The following SPATA9 variants were observed in gnomAD, a reference collection of about 807,000 sequenced individuals.
SPATA9 encodes the protein spermatogenesis associated 9.
SPATA9 carries 27 observed loss-of-function variants against 25.5 expected under a neutral mutation model. The observed-to-expected ratio is 1.06, with a 90% confidence interval of 0.78 to 1.46. The LOEUF (loss-of-function observed/expected upper bound fraction) is 1.46, where lower values mean the gene tolerates loss of function less well. Ranked by LOEUF, SPATA9 falls within the 40% of genes most tolerant of loss-of-function variation. The pLI is 0.00. For synonymous variants in SPATA9, 102 were observed against 105.7 expected, an observed-to-expected ratio of 0.97 and a Z score of 0.21; for missense variants, 282 against 297.5, an observed-to-expected ratio of 0.95 and a Z score of 0.38.
At chr5:95,675,065 G>A (rs905665148) in intron 3 of SPATA9, among the ~76,000 whole-genome samples, 4 of 152,076 alleles carry the variant, frequency 2.6e-5, no homozygotes, top group Non-Finnish European at 4.4e-5. Context: ...TCAAACAAAG[G>A]TTGCCTTGGA....
At chr5:95,706,779 C>T in the SPATA9 span, among the ~76,000 whole-genome samples, 3 of 152,118 alleles carry the variant, frequency 2.0e-5, no homozygotes, top group South Asian at 2.1e-4. Flanking sequence ...ACTCTGAATA[C>T]ATTATCTAAT....
At chr5:95,715,206 C>T in the SPATA9 span, among the ~76,000 whole-genome samples, 1 of 151,914 alleles carries the variant, frequency 6.6e-6, no homozygotes, top group Non-Finnish European at 1.5e-5. Flanking sequence ...TGCCTGTAGT[C>T]CCAGCTATTC....
At chr5:95,730,232 C>A in the SPATA9 span, among the ~76,000 whole-genome samples, 1 of 152,110 alleles carries the variant, frequency 6.6e-6, no homozygotes, top group East Asian at 1.9e-4. Flanking sequence ...CTCAATACCC[C>A]CTCTTTCATA....
intron 3 of SPATA9, among the ~76,000 whole-genome samples, chr5:95,667,351 G>A (rs1330240716): frequency 6.6e-6 from 1 of 151,872 alleles, no homozygotes; most frequent in Non-Finnish European, 1.5e-5. Flanking sequence ...GGGAAAGGCT[G>A]TTTTCTTTCT....
chr5:95,661,841 C>T (rs1343617365), intron 4 of SPATA9, among the ~76,000 whole-genome samples: 1 of 152,008 alleles, frequency 6.6e-6, no homozygotes, highest in Non-Finnish European at 1.5e-5. Flanking sequence ...CACATACACA[C>T]ACACATGCAC....
chr5:95,667,793 C>T (rs1222089091), intron 3 of SPATA9, among the ~76,000 whole-genome samples: 2 of 152,142 alleles, frequency 1.3e-5, no homozygotes, highest in Non-Finnish European at 2.9e-5. Context: ...ATCCCAAATA[C>T]TGGAGGTGGG....
chr5:95,703,982 C>T, the SPATA9 span, among the ~76,000 whole-genome samples: 1 of 151,902 alleles, frequency 6.6e-6, no homozygotes, highest in African/African-American at 2.4e-5. Context: ...CATTCAAGAC[C>T]CAACAGACAC....
intron 1 of SPATA9, among the ~76,000 whole-genome samples, chr5:95,688,376 C>T (rs551075581): frequency 4.6e-5 from 7 of 152,246 alleles, no homozygotes; most frequent in Non-Finnish European, 1.0e-4. Context: ...CCTTAGCCTC[C>T]TAAGTAGCTA....
At chr5:95,656,189 G>T (rs757351425), downstream of SPATA9, 5 of 1,613,984 alleles carry the variant, frequency 3.1e-6, no homozygotes, top group Non-Finnish European at 8.5e-7. Flanking sequence ...TAAAGCAAAG[G>T]ATTCACACAG....
Position 95,658,361 on chromosome 5 carries a change from C to A in SPATA9, c.*262G>T. 1 of 271,516 alleles carries A rather than the reference C, an allele frequency of 3.7e-6. No individual in the cohort carries two copies. Among genetic ancestry groups the A allele is most frequent in the East Asian group, 6.8e-5 (1 of 14,692 alleles). The allele number at this position is 271,516 out of a possible 1,614,324, so 16.8% of individuals were successfully genotyped here. On this transcript the variant is annotated 3_prime_UTR_variant, in exon 5 of 5. Coordinates refer to ENST00000274432, the MANE Select transcript of SPATA9 (RefSeq NM_031952.4). Reference sequence around the variant, plus strand: ...TTATAAATATGCTTATATTATAAACCACAGTGTAAAGTCTAACCTACCAGA... The same window carrying A: ...TTATAAATATGCTTATATTATAAACAACAGTGTAAAGTCTAACCTACCAGA...
downstream of SPATA9, among the ~76,000 whole-genome samples, chr5:95,653,781 G>A (rs114562006): frequency 0.012 from 1,819 of 152,078 alleles, 22 homozygotes; most frequent in Middle Eastern, 0.051. Flanking sequence ...TCCTGTAATC[G>A]CAGCTACTCG....
upstream of SPATA9, among the ~76,000 whole-genome samples, chr5:95,684,416 T>C (rs1448912135): frequency 1.3e-5 from 2 of 152,198 alleles, no homozygotes; most frequent in East Asian, 3.8e-4. Context: ...CCAATGTCAT[T>C]GCCCAACTGG....
At chr5:95,731,157 C>G in the SPATA9 span, 5 of 1,017,688 alleles carry the variant, frequency 4.9e-6, no homozygotes, top group Non-Finnish European at 5.9e-6. Flanking sequence ...GCGCGGGCGG[C>G]TCCTTTGTGT....
chr5:95,695,109 C>T (rs1467085429), intron 1 of SPATA9, among the ~76,000 whole-genome samples: 2 of 152,046 alleles, frequency 1.3e-5, no homozygotes, highest in South Asian at 2.1e-4. Flanking sequence ...GTGACAAAGG[C>T]TACTATATTT....
the SPATA9 span, among the ~76,000 whole-genome samples, chr5:95,729,521 GT>G: frequency 6.6e-6 from 1 of 152,076 alleles, no homozygotes; most frequent in Non-Finnish European, 1.5e-5. Flanking sequence ...ATGTTCTAGT[GT>G]TCAGTACACG....
chr5:95,715,930 A>G, the SPATA9 span, among the ~76,000 whole-genome samples: 2 of 152,242 alleles, frequency 1.3e-5, no homozygotes, highest in Non-Finnish European at 2.9e-5. Context: ...CAGATACCAC[A>G]TAAAAAGACA....
chr5:95,679,608 G>A (rs1328106965), intron 2 of SPATA9, among the ~76,000 whole-genome samples: 2 of 152,266 alleles, frequency 1.3e-5, no homozygotes, highest in South Asian at 2.1e-4. Context: ...AGAGAGGGCC[G>A]GCCAAAGGCA....
intron 8 of SPATA9, chr5:95,653,279 C>G: frequency 6.5e-7 from 1 of 1,543,812 alleles, no homozygotes; most frequent in Admixed American, 2.0e-5. Flanking sequence ...TCTGGTTGTG[C>G]CTGTAAGAGC....
chr5:95,711,556 G>A, the SPATA9 span, among the ~76,000 whole-genome samples: 2 of 152,194 alleles, frequency 1.3e-5, no homozygotes, highest in South Asian at 2.1e-4. Flanking sequence ...GCTTCCTCCC[G>A]CCGCGGCCGC....
Sources: allele counts gnomAD v4.1 joint callset (sites outside exome capture counted in the v4.1 genomes callset), GRCh38; gene constraint gnomAD v4.1.1; transcripts MANE v1.5; gene names NCBI Gene and HGNC (gene_info 2026-07-23, HGNC 2026-07-21).